The following HEY1 variants were observed in gnomAD, a reference collection of about 807,000 sequenced individuals.
HEY1 encodes the protein hes related family bHLH transcription factor with YRPW motif 1.
A neutral mutation model predicts 28.7 loss-of-function variants in HEY1; 9 were observed. The observed-to-expected ratio is 0.31, with a 90% CI of 0.19 to 0.55. The LOEUF (loss-of-function observed/expected upper bound fraction) is 0.55, where lower values mean the gene tolerates loss of function less well. HEY1 is among the 20% of genes least tolerant of loss of function. The pLI, the probability that HEY1 is intolerant of heterozygous loss-of-function variation, is 0.93. For synonymous variants in HEY1, 213 were observed against 175.6 expected, an observed-to-expected ratio of 1.21 and a Z score of -1.68; for missense variants, 385 against 399.4, an observed-to-expected ratio of 0.96 and a Z score of 0.31.
intron 4 of HEY1, chr8:79,766,414 T>C (rs935332176): frequency 6.9e-7 from 1 of 1,450,706 alleles, no homozygotes. Flanking sequence ...TCACAAATAA[T>C]AGGTATTTTT....
At position 79,767,756 on chromosome 8, in the gene HEY1, T is replaced by TCCGCACACACTGATC. The variant is rs1452846553; in HGVS notation, c.-94_-93insGATCAGTGTGTGCGG. ...CCTCTCCGCTCTCGGCTGCTTGCGT[T>TCCGCACACACTGATC]CCGCACACACTGATCCCGCTCACGC... On this transcript the variant is annotated 5_prime_UTR_variant, in exon 1 of 5. Transcript: ENST00000354724. 353 of 866,634 alleles carry TCCGCACACACTGATC rather than the reference T, an allele frequency of 4.1e-4. 3 individuals carry two copies. Among genetic ancestry groups the TCCGCACACACTGATC allele is most frequent in the Middle Eastern group, 1.9e-3 (9 of 4,626 alleles). The allele number at this position is 866,634 out of a possible 1,614,324, so 53.7% of individuals were successfully genotyped here.
intron 4 of HEY1, chr8:79,766,336 C>T (rs1807836005): frequency 6.7e-7 from 1 of 1,498,696 alleles, no homozygotes; most frequent in Non-Finnish European, 8.8e-7. Context: ...TGCTTTTTCT[C>T]AAAATAGCAA....
At position 79,767,286 on chromosome 8, in the gene HEY1, C is replaced by G. The variant is rs1027966515; in HGVS notation, c.98G>C (p.Ser33Thr). ...TGGGGACATGGAACCTAGAGCCGAA[C>G]TCAAGTTTCTGAAAAGAGAAAAAGA... Reference protein sequence around the residue: ...KESADENGNLSSALGSMSPTT... With the variant: ...KESADENGNLTSALGSMSPTT... Residue 33 changes from serine (S) to threonine (T), a missense_variant, in exon 2 of 5, where the codon AGT (serine) becomes ACT (threonine). Ser to Thr is a moderately conservative substitution (Grantham distance 58, BLOSUM62 1). Around this residue, in one of 3 missense-constraint regions of HEY1, gnomAD observed 79 missense variants for 60.7 expected, o/e 1.30. Coordinates refer to ENST00000354724, the MANE Select transcript of HEY1 (RefSeq NM_012258.4). 6.2e-7 allele frequency: 1 copy of G among 1,611,200 alleles called. No homozygotes were observed. Among genetic ancestry groups the G allele is most frequent in the African/African-American group, 1.3e-5 (1 of 74,638 alleles).
chr8:79,765,444 C>A lies in HEY1; in HGVS notation c.659G>T (p.Gly220Val). The A allele has an allele frequency of 1.2e-6, 2 of 1,612,698 alleles. No individual in the cohort carries two copies. Among genetic ancestry groups the A allele is most frequent in the Non-Finnish European group, 1.7e-6 (2 of 1,179,394 alleles). ...AGCAGGCGCCTCCGGATGTGCCGAG[C>A]CCAGCCTGCCCTGGTGGTGCGGTTC... ...PTEPHHQGRL[G>V]SAHPEAPALR... Residue 220 changes from glycine (G) to valine (V), a missense_variant, in exon 5 of 5, where the codon GGC (glycine) becomes GTC (valine). Around this residue, in one of 3 missense-constraint regions of HEY1, gnomAD observed 223 missense variants for 215.9 expected, o/e 1.03. Transcript: ENST00000354724.
At chr8:79,767,495 G>T in intron 1 of HEY1, 80 bp downstream of exon 1, 1 of 1,403,972 alleles carries the variant, frequency 7.1e-7, no homozygotes, top group Non-Finnish European at 9.9e-7. Context: ...CGCGCCAAGG[G>T]TCCTAGCCCG....
In HEY1 at chr8:79,765,599, C is replaced by T; in HGVS notation, c.504G>A (p.Ala168=). ...LNNYASQREA[A]SGAHAGLGHI... is the part of the protein sequence containing the mutation. ...GTCCGAGGCCCGCGTGGGCGCCGCT[C>T]GCGGCTTCCCGCTGGGAAGCGTAGT... Residue 168 remains alanine, a synonymous_variant, in exon 5 of 5, where the codon GCG becomes GCA. Transcript: ENST00000354724. 2 of 1,614,142 alleles carry T rather than the reference C, an allele frequency of 1.2e-6. No homozygotes were observed. The highest frequency in any genetic ancestry group is 1.1e-5 in the South Asian group (1 of 91,088).
Position 79,767,671 on chromosome 8 carries a change from CCCTGGGGGTT to C in HEY1, c.-18_-9del. 2.5e-6 allele frequency: 4 copies of C among 1,588,152 alleles called. No individual in the cohort carries two copies. The highest frequency in any genetic ancestry group is 3.4e-6 in the Non-Finnish European group (4 of 1,169,158). On this transcript the variant is annotated 5_prime_UTR_variant, in exon 1 of 5. Coordinates refer to ENST00000354724, the MANE Select transcript of HEY1 (RefSeq NM_012258.4). ...GGGGTGAGCTCGCTTCATGCTGGCT[CCCTGGGGGTT>C]CCTGGGGAGGGTCGGCGCGGCGGGC...
chr8:79,765,822 T>C (rs748310749), intron 4 of HEY1, 51 bp from the exon 5 acceptor site: 1 of 1,500,338 alleles, frequency 6.7e-7, no homozygotes, highest in Non-Finnish European at 9.0e-7. Flanking sequence ...GTTTCCCTCA[T>C]TTCTTAAGTC....
At chr8:79,766,862 G>A in intron 3 of HEY1, 130 bp from the exon 4 acceptor site, 4 of 1,225,742 alleles carry the variant, frequency 3.3e-6, no homozygotes, top group Non-Finnish European at 4.8e-6. Flanking sequence ...AAAATCAGTT[G>A]TCTTCACAAA....
intron 4 of HEY1, 127 bp from the exon 5 acceptor site, chr8:79,765,898 A>G: frequency 1.2e-6 from 1 of 858,678 alleles, no homozygotes; most frequent in Non-Finnish European, 1.7e-6. Context: ...GGTTCTTCCG[A>G]AAGTCTTTGG....
At chr8:79,766,806 T>C (rs935388593) in intron 3 of HEY1, 74 bp from the exon 4 acceptor site, 5 of 1,472,962 alleles carry the variant, frequency 3.4e-6, no homozygotes, top group African/African-American at 2.8e-5. Context: ...TGCAAACATA[T>C]ATACAAAGAT....
At position 79,765,887 on chromosome 8, in the gene HEY1, G is replaced by A. The variant is rs57799278; in HGVS notation, c.332-116C>T. On this transcript the variant is annotated intron_variant, in intron 4 of 4. Coordinates refer to ENST00000354724, the MANE Select transcript of HEY1 (RefSeq NM_012258.4). ...GCATCCCTTAAAACACAACAGTCAG[G>A]GGTTCTTCCGAAAGTCTTTGGAATC... is the stretch of plus-strand genomic sequence containing the variant. 0.12 allele frequency: 110,647 copies of A among 888,594 alleles called. 8,070 individuals are homozygous for A. The highest frequency in any genetic ancestry group is 0.24 in the South Asian group (13,453 of 54,980). The allele number at this position is 888,594 out of a possible 1,614,324, so 55.0% of individuals were successfully genotyped here.
At chr8:79,766,177 C>T in intron 4 of HEY1, 5 of 1,509,194 alleles carry the variant, frequency 3.3e-6, no homozygotes, top group Non-Finnish European at 4.4e-6. Context: ...AAAGCATTTT[C>T]CTGCTGGAGA....
chr8:79,764,159 GAGA>G lies in HEY1; in HGVS notation c.*1026_*1028del, dbSNP rs1342568443. On this transcript the variant is annotated 3_prime_UTR_variant, in exon 5 of 5. Coordinates refer to ENST00000354724, the MANE Select transcript of HEY1 (RefSeq NM_012258.4). ...CCCAAATCAAATTAAATAAATCAAAGAGAAGGAGGCAGGAAAGCCCTTTTAAAT... is the reference window on the plus strand; with the variant it reads ...CCCAAATCAAATTAAATAAATCAAAGAGGAGGCAGGAAAGCCCTTTTAAAT... The G allele has an allele frequency of 2.4e-5, 5 of 208,234 alleles. No homozygotes were observed. The highest frequency in any genetic ancestry group is 4.9e-5 in the Non-Finnish European group (5 of 102,522). 12.9% of individuals were successfully genotyped at this position (208,234 alleles called of 1,614,324 possible).
Position 79,764,312 on chromosome 8 carries a change from A to G in HEY1, c.*876T>C. The G allele has an allele frequency of 4.4e-6, 1 of 226,076 alleles. No homozygotes were observed. The highest frequency in any genetic ancestry group is 6.4e-5 in the East Asian group (1 of 15,630). 14.0% of individuals were successfully genotyped at this position (226,076 alleles called of 1,614,324 possible). ...TTAACAGTTTCCACTGTACTACTCA[A>G]TTGACCACTCGCACACCATGATCAC... On this transcript the variant is annotated 3_prime_UTR_variant, in exon 5 of 5. Coordinates refer to ENST00000354724, the MANE Select transcript of HEY1 (RefSeq NM_012258.4).
Position 79,765,121 on chromosome 8 carries a change from G to T in HEY1, c.*67C>A. On this transcript the variant is annotated 3_prime_UTR_variant, in exon 5 of 5. Transcript: ENST00000354724. ...TTACTTTTACTGACGACTTTAAGGT[G>T]ATGTTGGCAACAGTCCAGCCCAGCT... is the stretch of plus-strand genomic sequence containing the variant. The T allele has an allele frequency of 9.1e-7, 1 of 1,100,388 alleles. No homozygotes were observed. The highest frequency in any genetic ancestry group is 1.3e-6 in the Non-Finnish European group (1 of 790,416). The allele number at this position is 1,100,388 out of a possible 1,614,324, so 68.2% of individuals were successfully genotyped here. A position where few individuals can be genotyped will look rare whatever the true frequency, so the allele number is the denominator to read the frequency against.
At chr8:79,766,378 C>A in intron 4 of HEY1, 1 of 1,460,178 alleles carries the variant, frequency 6.8e-7, no homozygotes, top group South Asian at 1.4e-5. Context: ...TGATCTGAAT[C>A]AGGGCTGTCA....
Position 79,767,310 on chromosome 8 carries a change from GAAC to G in HEY1, c.90-19_90-17del. ...ACTCAAGTTTCTGAAAAGAGAAAAA[GAAC>G]AAACAAAAACTGAAATCGCCGTTAA... On this transcript the variant is annotated splice_polypyrimidine_tract_variant and intron_variant, in intron 1 of 4. Coordinates refer to ENST00000354724, the MANE Select transcript of HEY1 (RefSeq NM_012258.4). 6.2e-7 allele frequency: 1 copy of G among 1,606,050 alleles called. No homozygotes were observed. The highest frequency in any genetic ancestry group is 8.5e-7 in the Non-Finnish European group (1 of 1,175,288).
At position 79,767,471 on chromosome 8, in the gene HEY1, G is replaced by A. The variant is rs1807874901; in HGVS notation, c.89+104C>T. On this transcript the variant is annotated intron_variant, in intron 1 of 4. Transcript: ENST00000354724. ...GCCAGCCTGCGACGCGCGGAGGTCA[G>A]CGCAGGGCACCGGCGCGCCAAGGGT... 7 of 1,251,640 alleles carry A rather than the reference G, an allele frequency of 5.6e-6. No individual in the cohort carries two copies. In the Admixed American group the frequency reaches 1.5e-4, roughly 26 times the overall value. The allele number at this position is 1,251,640 out of a possible 1,614,324, so 77.5% of individuals were successfully genotyped here.
Sources: allele counts gnomAD v4.1 joint callset, GRCh38; gene constraint gnomAD v4.1.1; regional missense constraint gnomAD v4.1.1; transcripts MANE v1.5; gene names NCBI Gene and HGNC (gene_info 2026-07-23, HGNC 2026-07-21).